LCOR: variants seen among roughly 807,000 people sequenced by gnomAD.
The protein encoded by LCOR is ligand-dependent corepressor.
A neutral mutation model predicts 64.4 loss-of-function variants in LCOR; 14 were observed. The ratio of observed to expected loss-of-function variants is 0.22; its 90% CI spans 0.14 to 0.34. The LOEUF is 0.34. LCOR is among the 10% of genes least tolerant of loss of function. The probability of loss-of-function intolerance (pLI) is 1.00; values close to 1 mark genes in which losing one functional copy is unlikely to be tolerated. For missense variants in LCOR, 1,686 were observed against 1,765.3 expected (o/e 0.96, Z 0.80); for synonymous variants, 643 against 642.5 (o/e 1.00, Z -0.01).
chr10:96,839,070 T>A (rs904173923), intron 2 of LCOR, among the ~76,000 whole-genome samples: 6 of 152,140 alleles, frequency 3.9e-5, no homozygotes, highest in African/African-American at 4.8e-5. Context: ...TACAAAAAAA[T>A]AAGACAAGTT....
At chr10:96,884,845 A>G (rs978747841) in intron 2 of LCOR, among the ~76,000 whole-genome samples, 1 of 152,160 alleles carries the variant, frequency 6.6e-6, no homozygotes, top group Non-Finnish European at 1.5e-5. Context: ...GTAACACAGC[A>G]TGTTACCCAT....
intron 2 of LCOR, among the ~76,000 whole-genome samples, chr10:96,856,962 A>G (rs543133218): frequency 2.0e-5 from 3 of 152,276 alleles, no homozygotes; most frequent in African/African-American, 4.8e-5. Context: ...GTATGGGGGA[A>G]GATCTACTTA....
chr10:96,980,720 T>A, intron 7 of LCOR, 73 bp from the exon 8 acceptor site: 1 of 605,488 alleles, frequency 1.7e-6, no homozygotes, highest in Non-Finnish European at 2.9e-6. Context: ...TAACGTTGGG[T>A]GAATTTTATA....
chr10:96,892,405 A>G (rs1048916101), intron 2 of LCOR, among the ~76,000 whole-genome samples: 2 of 152,110 alleles, frequency 1.3e-5, no homozygotes, highest in African/African-American at 4.8e-5. Flanking sequence ...TAAGTGGCTT[A>G]TAAAAAAAAT....
chr10:96,944,544 T>C (rs1847553659), intron 5 of LCOR, among the ~76,000 whole-genome samples: 1 of 151,880 alleles, frequency 6.6e-6, no homozygotes, highest in Non-Finnish European at 1.5e-5. Flanking sequence ...ACTTTTCTTA[T>C]GGAGACAGTT....
intron 2 of LCOR, among the ~76,000 whole-genome samples, chr10:96,888,158 A>C (rs1846375536): frequency 6.6e-6 from 1 of 150,938 alleles, no homozygotes; most frequent in African/African-American, 2.4e-5. Context: ...TGAGGTTAGG[A>C]GTTCGAGACC....
At chr10:96,970,970 A>G (rs1226274728) in intron 7 of LCOR, among the ~76,000 whole-genome samples, 1 of 152,244 alleles carries the variant, frequency 6.6e-6, no homozygotes, top group East Asian at 1.9e-4. Flanking sequence ...GGATTATAGT[A>G]AGGATAAATA....
At chr10:96,833,037 G>C (rs969612322) in intron 1 of LCOR, 293 of 986,106 alleles carry the variant, frequency 3.0e-4, no homozygotes, top group Non-Finnish European at 3.4e-4. Flanking sequence ...GCCAAGTGGG[G>C]TGTCATGGCC....
At chr10:96,894,372 C>A (rs1346481823) in intron 2 of LCOR, among the ~76,000 whole-genome samples, 2 of 152,134 alleles carry the variant, frequency 1.3e-5, no homozygotes, top group Non-Finnish European at 2.9e-5. Flanking sequence ...CCACCGCATC[C>A]GGCCTGAGAG....
chr10:96,966,565 A>G (rs1847953380), intron 7 of LCOR, among the ~76,000 whole-genome samples: 3 of 152,138 alleles, frequency 2.0e-5, no homozygotes, highest in Admixed American at 2.0e-4. Flanking sequence ...ATAACAGCAT[A>G]TGCTCGGGAC....
Position 96,984,967 on chromosome 10 carries a change from T to A in LCOR, c.4507T>A (p.Ser1503Thr), listed in dbSNP as rs1233196717. 2 of 1,613,988 alleles carry A rather than the reference T, an allele frequency of 1.2e-6. No homozygotes were observed. Reference sequence around the variant, plus strand: ...TGCAAAACAGAAGGGGGCCGGTGAATCCTCTTCAAGGCCTCAGAAAGCCAC... The same window carrying A: ...TGCAAAACAGAAGGGGGCCGGTGAAACCTCTTCAAGGCCTCAGAAAGCCAC... Reference protein sequence around the residue: ...KPAKQKGAGESSSRPQKATNR... With the variant: ...KPAKQKGAGETSSRPQKATNR... The change falls in exon 8 of 8, where the codon TCC becomes ACC. Residue 1503 changes from serine to threonine, a missense_variant. Transcript: ENST00000421806.
chr10:96,895,743 C>G (rs1229805296), intron 2 of LCOR, among the ~76,000 whole-genome samples: 2 of 152,220 alleles, frequency 1.3e-5, no homozygotes, highest in Non-Finnish European at 2.9e-5. Context: ...GTGCTGTTCA[C>G]TCTGCCTAGA....
intron 7 of LCOR, chr10:96,962,837 G>A (rs1289039671): frequency 1.3e-5 from 2 of 152,136 alleles, no homozygotes; most frequent in Non-Finnish European, 2.9e-5. Context: ...AAAGCTGTCA[G>A]ACATTGGTAT....
At chr10:96,955,868 A>G in intron 7 of LCOR, 1 of 1,614,190 alleles carries the variant, frequency 6.2e-7, no homozygotes, top group South Asian at 1.1e-5. Context: ...TAAAGATTGA[A>G]TTAGATCCCC....
At chr10:96,866,552 T>G (rs181682599) in intron 2 of LCOR, among the ~76,000 whole-genome samples, 75 of 152,292 alleles carry the variant, frequency 4.9e-4, no homozygotes, top group Admixed American at 2.3e-3. Context: ...TGGAGATAGA[T>G]GTATGTTTAA....
At chr10:96,890,379 C>T (rs1846419649) in intron 2 of LCOR, among the ~76,000 whole-genome samples, 1 of 152,086 alleles carries the variant, frequency 6.6e-6, no homozygotes, top group South Asian at 2.1e-4. Flanking sequence ...GTCACCCCTG[C>T]CCAGCCTAAA....
intron 7 of LCOR, chr10:96,963,109 C>T (rs1847906026): frequency 6.6e-6 from 1 of 152,158 alleles, no homozygotes. Flanking sequence ...TTTAAAGCTG[C>T]ATATAACTCT....
At chr10:96,877,838 C>T (rs2134415288) in intron 2 of LCOR, among the ~76,000 whole-genome samples, 1 of 152,154 alleles carries the variant, frequency 6.6e-6, no homozygotes. Context: ...GTCTCGATCT[C>T]CTGACCTCGT....
chr10:96,896,409 T>TTTA lies in LCOR; in HGVS notation c.-329-10840_-329-10838dup, dbSNP rs372084886. ...TTGCAAAGTAATTTTATTAGTTTTA[T>TTTA]TTATTATTATTATTATTACCATTTG... On this transcript the variant is annotated intron_variant, in intron 2 of 7. Coordinates refer to ENST00000421806, the MANE Select transcript of LCOR (RefSeq NM_001346516.2). Among the ~76,000 whole-genome samples, 450 of 151,952 alleles carry TTTA rather than the reference T, an allele frequency of 3.0e-3. 6 individuals are homozygous for TTTA. Among genetic ancestry groups the TTTA allele is most frequent in the African/African-American group, 9.4e-3 (391 of 41,438 alleles).
Sources: gnomAD v4.1 joint callset for allele counts (sites outside exome capture counted in the v4.1 genomes callset) on GRCh38, gnomAD v4.1.1 for gene constraint, MANE v1.5 for transcripts, NCBI Gene and HGNC (gene_info 2026-07-23, HGNC 2026-07-21) for gene names.